The following TSPAN5 variants were observed in gnomAD, a reference collection of about 807,000 sequenced individuals.
TSPAN5 encodes tetraspanin-5.
TSPAN5 carries 10 observed loss-of-function variants against 37.1 expected under a neutral mutation model. The observed-to-expected ratio is 0.27, with a 90% CI of 0.17 to 0.46. The LOEUF (loss-of-function observed/expected upper bound fraction) is 0.46, where lower values mean the gene tolerates loss of function less well. TSPAN5 is among the 20% of genes least tolerant of loss of function. The probability of loss-of-function intolerance (pLI) is 1.00; values close to 1 mark genes in which losing one functional copy is unlikely to be tolerated. For synonymous variants in TSPAN5, 110 were observed against 118.9 expected (o/e 0.93, Z 0.48); for missense variants, 195 against 326.6 (o/e 0.60, Z 3.11).
chr4:98,626,629 C>T (rs1756607798), intron 1 of TSPAN5, among the ~76,000 whole-genome samples: 1 of 152,100 alleles, frequency 6.6e-6, no homozygotes, highest in South Asian at 2.1e-4. Context: ...TACAGGCTCC[C>T]TCTGCCGGGA....
Position 98,486,961 on chromosome 4 carries a change from T to C in TSPAN5, c.133-77A>G, listed in dbSNP as rs547205820. 1.7e-4 allele frequency: 258 copies of C among 1,492,822 alleles called. 5 individuals carry two copies. The South Asian group carries it at 3.0e-3, about 17-fold the overall frequency. 92.5% of individuals were successfully genotyped at this position (1,492,822 alleles called of 1,614,324 possible). On this transcript the variant is annotated intron_variant, in intron 2 of 7. Coordinates refer to ENST00000305798, the MANE Select transcript of TSPAN5 (RefSeq NM_005723.4). ...TCCAACATGTAAAGATTATTGCATTTGTCCTTTCCCCTCCCAAAGAAAACC... is the reference window on the plus strand; with the variant it reads ...TCCAACATGTAAAGATTATTGCATTCGTCCTTTCCCCTCCCAAAGAAAACC...
At chr4:98,656,807 C>T (rs770319062) in intron 1 of TSPAN5, among the ~76,000 whole-genome samples, 1 of 151,972 alleles carries the variant, frequency 6.6e-6, no homozygotes, top group Non-Finnish European at 1.5e-5. Flanking sequence ...TAATAGAAAA[C>T]AGAAAATAAA....
At chr4:98,500,780 T>C (rs1448994864) in intron 2 of TSPAN5, among the ~76,000 whole-genome samples, 1 of 152,140 alleles carries the variant, frequency 6.6e-6, no homozygotes, top group Non-Finnish European at 1.5e-5. Flanking sequence ...TGGGCATCCA[T>C]TGTGTAGGAG....
chr4:98,507,103 A>G (rs1753495195), intron 2 of TSPAN5, among the ~76,000 whole-genome samples: 1 of 152,160 alleles, frequency 6.6e-6, no homozygotes, highest in Admixed American at 6.5e-5. Flanking sequence ...ATTATACTGT[A>G]TTTGATCATA....
At chr4:98,521,473 A>G (rs530840852) in intron 1 of TSPAN5, among the ~76,000 whole-genome samples, 2 of 152,318 alleles carry the variant, frequency 1.3e-5, no homozygotes, top group South Asian at 4.2e-4. Context: ...GTACAAAAAT[A>G]TTGATCCTCT....
At chr4:98,552,360 T>C (rs1754642733) in intron 1 of TSPAN5, among the ~76,000 whole-genome samples, 1 of 152,250 alleles carries the variant, frequency 6.6e-6, no homozygotes, top group Non-Finnish European at 1.5e-5. Flanking sequence ...AGTACTGCTT[T>C]TGCAGTATCT....
intron 1 of TSPAN5, among the ~76,000 whole-genome samples, chr4:98,650,015 T>C (rs1757150573): frequency 6.6e-6 from 1 of 152,196 alleles, no homozygotes; most frequent in African/African-American, 2.4e-5. Flanking sequence ...AATTTCTTCA[T>C]CTGTCACAAA....
chr4:98,500,090 T>A (rs780673525), intron 2 of TSPAN5: 2 of 152,170 alleles, frequency 1.3e-5, no homozygotes, highest in Non-Finnish European at 2.9e-5. Flanking sequence ...CTCAGTAATG[T>A]CTCCTTAAAG....
chr4:98,586,455 A>G (rs1755486726), intron 1 of TSPAN5, among the ~76,000 whole-genome samples: 1 of 151,914 alleles, frequency 6.6e-6, no homozygotes, highest in Non-Finnish European at 1.5e-5. Context: ...TAACAAGTTA[A>G]AAAAAAAGAA....
At chr4:98,619,953 A>G (rs1196384562) in intron 1 of TSPAN5, among the ~76,000 whole-genome samples, 1 of 152,168 alleles carries the variant, frequency 6.6e-6, no homozygotes, top group Non-Finnish European at 1.5e-5. Flanking sequence ...TACCTCCTAA[A>G]AGCCTCATAT....
chr4:98,613,499 A>G (rs558827038), intron 1 of TSPAN5, among the ~76,000 whole-genome samples: 7 of 152,300 alleles, frequency 4.6e-5, no homozygotes, highest in African/African-American at 1.4e-4. Context: ...AGTTGCAACC[A>G]TTTTACCCAT....
intron 1 of TSPAN5, among the ~76,000 whole-genome samples, chr4:98,630,071 GGGCCC>G (rs1756706405): frequency 6.6e-6 from 1 of 152,116 alleles, no homozygotes; most frequent in Admixed American, 6.5e-5. Flanking sequence ...GGTCAGAGAT[GGGCCC>G]TGTCCTGAAT....
At chr4:98,494,156 G>C (rs547199056) in intron 2 of TSPAN5, among the ~76,000 whole-genome samples, 1 of 152,240 alleles carries the variant, frequency 6.6e-6, no homozygotes, top group East Asian at 2.0e-4. Flanking sequence ...ACCCATCGTG[G>C]TACAAGGGAG....
intron 4 of TSPAN5, among the ~76,000 whole-genome samples, chr4:98,479,972 C>T (rs1042711489): frequency 3.3e-5 from 5 of 152,108 alleles, no homozygotes; most frequent in African/African-American, 1.2e-4. Flanking sequence ...ACTAACCTAC[C>T]CCCACCCTCA....
chr4:98,532,038 G>A lies in TSPAN5; in HGVS notation c.82-24310C>T, dbSNP rs113617373. 9.6e-4 allele frequency among the ~76,000 whole-genome samples: 146 copies of A among 152,186 alleles called. 2 individuals are homozygous for A. The highest frequency in any genetic ancestry group is 3.3e-3 in the African/African-American group (136 of 41,528). On this transcript the variant is annotated intron_variant, in intron 1 of 7. Coordinates refer to ENST00000305798, the MANE Select transcript of TSPAN5 (RefSeq NM_005723.4). The stretch of plus-strand genomic sequence containing the variant: ...GTTCACTCTGATGATAGTTTCTTTC[G>A]CTGTGCAGAAGCTCTTTAGTTTAAT...
intron 1 of TSPAN5, chr4:98,574,472 C>T (rs1755190186): frequency 6.6e-6 from 1 of 152,196 alleles, no homozygotes; most frequent in Non-Finnish European, 1.5e-5. Flanking sequence ...GGCACTAGGT[C>T]TTACAATGAA....
chr4:98,542,134 G>C (rs1754372827), intron 1 of TSPAN5, among the ~76,000 whole-genome samples: 1 of 151,992 alleles, frequency 6.6e-6, no homozygotes, highest in African/African-American at 2.4e-5. Flanking sequence ...TTACCTGACG[G>C]GGTTCTGTGA....
chr4:98,548,897 G>A (rs1178576461), intron 1 of TSPAN5, among the ~76,000 whole-genome samples: 1 of 151,824 alleles, frequency 6.6e-6, no homozygotes, highest in African/African-American at 2.4e-5. Context: ...GTGTGTGTGT[G>A]TGTGTGTGTG....
chr4:98,571,373 T>G (rs1035517927), intron 1 of TSPAN5, among the ~76,000 whole-genome samples: 2 of 150,064 alleles, frequency 1.3e-5, no homozygotes, highest in African/African-American at 4.9e-5. Flanking sequence ...ACAGGGTTAC[T>G]GCAGGGGGGT....
Sources: gnomAD v4.1 joint callset for allele counts (sites outside exome capture counted in the v4.1 genomes callset) on GRCh38, gnomAD v4.1.1 for gene constraint, MANE v1.5 for transcripts, NCBI Gene and HGNC (gene_info 2026-07-23, HGNC 2026-07-21) for gene names.